Variants in C8orf76 observed in about 807,000 individuals in gnomAD.
C8orf76 encodes the protein chromosome 8 open reading frame 76, also known as uncharacterized protein C8orf76.
Under a neutral mutation model 38.1 loss-of-function variants are expected in C8orf76, and 46 were observed. That is an observed-to-expected ratio of 1.21 (90% CI 0.95 to 1.54). C8orf76 has a LOEUF of 1.54. Among genes scored for constraint, C8orf76 ranks in the 40% most tolerant of loss-of-function variants. The probability of loss-of-function intolerance (pLI) is 0.00; values close to 1 mark genes in which losing one functional copy is unlikely to be tolerated. For missense variants in C8orf76, 461 were observed against 441.6 expected (o/e 1.04, Z -0.39); for synonymous variants, 166 against 167.5 (o/e 0.99, Z 0.07).
chr8:123,231,732 T>C lies in C8orf76; in HGVS notation c.383A>G (p.His128Arg), dbSNP rs1825278470. 6.2e-7 allele frequency: 1 copy of C among 1,606,998 alleles called. No homozygotes were observed. ...CTGGAGGTAGAGTACCGTGGTTAAA[T>C]GGTCTGTGTTGGTTGCTTTATTTTC... ...NLENKATNTDHLTTVLYLQLA... is the reference protein window; with the variant it reads ...NLENKATNTDRLTTVLYLQLA... The change falls in exon 4 of 6, where the codon CAT (histidine) becomes CGT (arginine). Residue 128 changes from histidine to arginine, a missense_variant. By Grantham distance (29) the His-to-Arg change is conservative. Transcript: ENST00000276704.
chr8:123,220,404 C>T, intron 5 of C8orf76, 107 bp from the exon 6 acceptor site: 1 of 798,870 alleles, frequency 1.3e-6, no homozygotes, highest in Admixed American at 3.1e-5. Context: ...AATACTTGAG[C>T]AGCCAGGGGA....
At chr8:123,220,699 T>C (rs1824875403) in intron 5 of C8orf76, among the ~76,000 whole-genome samples, 1 of 152,164 alleles carries the variant, frequency 6.6e-6, no homozygotes, top group Admixed American at 6.5e-5. Flanking sequence ...GGGCCCACCT[T>C]TTCCTGACCC....
At chr8:123,225,270 G>A (rs1825005758) in intron 5 of C8orf76, among the ~76,000 whole-genome samples, 1 of 152,164 alleles carries the variant, frequency 6.6e-6, no homozygotes, top group Non-Finnish European at 1.5e-5. Context: ...GCCTCCCAAA[G>A]TGCTGAGATT....
At position 123,226,662 on chromosome 8, in the gene C8orf76, C is replaced by T. The variant is rs192779525; in HGVS notation, c.816-30G>A. On this transcript the variant is annotated intron_variant, in intron 4 of 5. Coordinates refer to ENST00000276704, the MANE Select transcript of C8orf76 (RefSeq NM_032847.3). ...AAAACCGAAAAGTCTCAATGCGTGG[C>T]GAAAAGTCCCAACGCTTCCAGATAA... 52 of 1,571,172 alleles carry T rather than the reference C, an allele frequency of 3.3e-5. No individual in the cohort carries two copies. The African/African-American group carries it at 5.9e-4, about 18-fold the overall frequency.
At chr8:123,235,901 A>G (rs1825455779) in intron 3 of C8orf76, among the ~76,000 whole-genome samples, 2 of 152,222 alleles carry the variant, frequency 1.3e-5, no homozygotes, top group Admixed American at 6.5e-5. Context: ...GGCTACAGAA[A>G]GGCACCGGAA....
intron 1 of C8orf76, 76 bp downstream of exon 1, chr8:123,241,154 C>T: frequency 7.0e-7 from 1 of 1,424,964 alleles, no homozygotes; most frequent in Non-Finnish European, 9.2e-7. Context: ...GACGGAGGGG[C>T]CGAGGCCGGG....
At chr8:123,240,884 G>A (rs1009533372) in intron 1 of C8orf76, among the ~76,000 whole-genome samples, 1 of 152,218 alleles carries the variant, frequency 6.6e-6, no homozygotes, top group Non-Finnish European at 1.5e-5. Flanking sequence ...GGAGGTCACC[G>A]TTTTGGGAGG....
intron 3 of C8orf76, chr8:123,236,825 C>T (rs1825504019): frequency 3.0e-6 from 2 of 674,704 alleles, no homozygotes; most frequent in Non-Finnish European, 5.4e-6. Context: ...TTTTCTTCAG[C>T]GAGGCTGCCG....
intron 3 of C8orf76, chr8:123,236,862 T>C: frequency 1.3e-6 from 1 of 798,324 alleles, no homozygotes; most frequent in Non-Finnish European, 2.2e-6. Context: ...ATGCAGATCT[T>C]TGTGAAGACC....
rs1054808247 is a variant in C8orf76 at position 123,239,067 on chromosome 8, G to A, written c.195C>T (p.Tyr65=). Residue 65 remains tyrosine (Y), a synonymous_variant, in exon 2 of 6, where the codon TAC becomes TAT. Transcript: ENST00000276704. ...TLKKFKGDLA[Y]RRQEYQKALQ... is the part of the protein sequence containing the mutation. ...ATTCTACCTGATACTCTTGTCGTCT[G>A]TAGGCCAGGTCTCCTTTGAATTTCT... The A allele has an allele frequency of 1.9e-6, 3 of 1,614,088 alleles. No homozygotes were observed. Among genetic ancestry groups the A allele is most frequent in the Non-Finnish European group, 8.5e-7 (1 of 1,179,992 alleles).
intron 3 of C8orf76, among the ~76,000 whole-genome samples, chr8:123,232,823 A>C (rs751605597): frequency 6.6e-6 from 1 of 152,216 alleles, no homozygotes; most frequent in South Asian, 2.1e-4. Context: ...ATTTAGCTCC[A>C]TAAGAGCTTT....
chr8:123,232,361 G>C (rs1407980293), intron 3 of C8orf76, among the ~76,000 whole-genome samples: 1 of 152,196 alleles, frequency 6.6e-6, no homozygotes. Flanking sequence ...GGGTTGCTTA[G>C]TTTCCTTTTG....
At position 123,241,299 on chromosome 8, in the gene C8orf76, C is replaced by G; in HGVS notation, c.48G>C (p.Val16=). 1 of 1,577,106 alleles carries G rather than the reference C, an allele frequency of 6.3e-7. No individual in the cohort carries two copies. Among genetic ancestry groups the G allele is most frequent in the Non-Finnish European group, 8.6e-7 (1 of 1,166,732 alleles). ...WLFGGEFEDS[V]FEERPERRSG... ...ACCGCCGCTCCGGCCTCTCCTCGAA[C>G]ACCGAGTCCTCGAACTCGCCGCCGA... The change falls in exon 1 of 6, where the codon GTG becomes GTC. Residue 16 remains valine (V), a synonymous_variant. Transcript: ENST00000276704.
intron 1 of C8orf76, among the ~76,000 whole-genome samples, chr8:123,240,828 C>G (rs1825657259): frequency 6.6e-6 from 1 of 152,162 alleles, no homozygotes; most frequent in South Asian, 2.1e-4. Context: ...GGGGTTGGTA[C>G]GGGCAGGGGG....
intron 4 of C8orf76, among the ~76,000 whole-genome samples, chr8:123,228,677 TCCTGTATTTAAAA>T (rs1243574630): frequency 6.6e-6 from 1 of 151,084 alleles, no homozygotes; most frequent in East Asian, 1.9e-4. Context: ...TATCACATGC[TCCTGTATTTAAAA>T]CCTGCAAATA....
intron 3 of C8orf76, among the ~76,000 whole-genome samples, chr8:123,236,324 TC>T (rs985998342): frequency 6.6e-6 from 1 of 152,040 alleles, no homozygotes; most frequent in Non-Finnish European, 1.5e-5. Context: ...AGAAAACTAG[TC>T]CATTTAGACT....
At chr8:123,222,174 A>G (rs151298295) in intron 5 of C8orf76, among the ~76,000 whole-genome samples, 1,966 of 151,980 alleles carry the variant, frequency 0.013, 42 homozygotes, top group African/African-American at 0.045. Flanking sequence ...TTTTTAGTAG[A>G]GACAGGGTTT....
intron 1 of C8orf76, chr8:123,239,362 G>C: frequency 4.5e-6 from 2 of 442,328 alleles, no homozygotes; most frequent in Non-Finnish European, 8.3e-6. Flanking sequence ...ACCGCACCCA[G>C]CCCACATTGG....
chr8:123,238,007 T>A, intron 2 of C8orf76, 66 bp from the exon 3 acceptor site: 1 of 1,533,120 alleles, frequency 6.5e-7, no homozygotes, highest in Non-Finnish European at 8.8e-7. Context: ...GGATTCAGAA[T>A]AGGGGTGATT....
Sources: gnomAD v4.1 joint callset for allele counts (sites outside exome capture counted in the v4.1 genomes callset) on GRCh38, gnomAD v4.1.1 for gene constraint, MANE v1.5 for transcripts, NCBI Gene and HGNC (gene_info 2026-07-23, HGNC 2026-07-21) for gene names.